ZNF438: variants seen among roughly 807,000 people sequenced by gnomAD.
The protein encoded by ZNF438 is zinc finger protein 438.
Under a neutral mutation model 38.0 loss-of-function variants are expected in ZNF438, and 25 were observed. The observed-to-expected ratio is 0.66, with a 90% CI of 0.48 to 0.92. The LOEUF is 0.92. Among genes scored for constraint, ZNF438 ranks in the 40% least tolerant of loss-of-function variants. The pLI is 0.00. For synonymous variants in ZNF438, 372 were observed against 364.1 expected, an observed-to-expected ratio of 1.02 and a Z score of -0.25; for missense variants, 1,007 against 999.6, an observed-to-expected ratio of 1.01 and a Z score of -0.10.
intron 1 of ZNF438, among the ~76,000 whole-genome samples, chr10:30,942,903 G>A (rs2046968545): frequency 6.6e-6 from 1 of 152,158 alleles, no homozygotes; most frequent in Admixed American, 6.5e-5. Flanking sequence ...AGAAGAGAGC[G>A]CCCTGTCCTG....
intron 4 of ZNF438, among the ~76,000 whole-genome samples, chr10:30,870,549 C>T (rs907478320): frequency 2.0e-5 from 3 of 152,006 alleles, no homozygotes; most frequent in African/African-American, 4.8e-5. Context: ...ATGTGCTCTA[C>T]GGAGAAAACA....
At chr10:30,864,639 A>G (rs1169689948) in intron 4 of ZNF438, among the ~76,000 whole-genome samples, 1 of 152,202 alleles carries the variant, frequency 6.6e-6, no homozygotes, top group African/African-American at 2.4e-5. Flanking sequence ...GGAACGAACT[A>G]TTAACTCTCA....
intron 3 of ZNF438, among the ~76,000 whole-genome samples, chr10:30,906,568 T>C (rs552661945): frequency 6.6e-6 from 1 of 152,344 alleles, no homozygotes; most frequent in African/African-American, 2.4e-5. Context: ...TTCTTTTTCT[T>C]ACCTAACTGT....
At chr10:30,849,560 T>G (rs1564478921) in exon 5 of ZNF438, 2 of 1,614,258 alleles carry the variant, frequency 1.2e-6, no homozygotes, top group Admixed American at 1.7e-5. Context: ...AGAGATCAAC[T>G]GAACTGCATT....
chr10:30,922,816 CAA>C (rs749809953), intron 2 of ZNF438, among the ~76,000 whole-genome samples: 70 of 144,416 alleles, frequency 4.8e-4, no homozygotes, highest in Non-Finnish European at 8.3e-4. Flanking sequence ...GCCTGGGCAA[CAA>C]GAGAGAAACT....
intron 1 of ZNF438, among the ~76,000 whole-genome samples, chr10:30,997,628 G>C (rs771233197): frequency 1.6e-4 from 24 of 150,016 alleles, no homozygotes; most frequent in Non-Finnish European, 2.1e-4. Flanking sequence ...ATCTTGACTA[G>C]TCTAAGCCAA....
intron 1 of ZNF438, among the ~76,000 whole-genome samples, chr10:30,998,486 T>C (rs1020343810): frequency 1.6e-5 from 2 of 128,328 alleles, no homozygotes; most frequent in Non-Finnish European, 3.1e-5. Flanking sequence ...GAGCTTGCAG[T>C]GAGCCGAGAT....
chr10:30,847,896 A>G (rs1291194747), intron 5 of ZNF438, among the ~76,000 whole-genome samples: 1 of 152,210 alleles, frequency 6.6e-6, no homozygotes, highest in Non-Finnish European at 1.5e-5. Flanking sequence ...CTTGGCAGGC[A>G]TGGGATCTAG....
At chr10:30,851,694 A>T (rs1443015040) in intron 4 of ZNF438, among the ~76,000 whole-genome samples, 1 of 152,212 alleles carries the variant, frequency 6.6e-6, no homozygotes, top group African/African-American at 2.4e-5. Context: ...AGATTTTTAA[A>T]TTGTCTTTAT....
chr10:30,978,072 AC>A (rs964272132), intron 1 of ZNF438, among the ~76,000 whole-genome samples: 1 of 152,180 alleles, frequency 6.6e-6, no homozygotes, highest in Non-Finnish European at 1.5e-5. Context: ...ATAAAAGTCA[AC>A]TCAAGAAGTT....
At chr10:30,924,181 A>C (rs2044641068) in intron 2 of ZNF438, among the ~76,000 whole-genome samples, 1 of 152,218 alleles carries the variant, frequency 6.6e-6, no homozygotes, top group Admixed American at 6.5e-5. Flanking sequence ...ATTGTTACTG[A>C]AACACCAGAG....
chr10:30,963,392 C>CAA lies in ZNF438; in HGVS notation c.-191-21743_-191-21742dup, dbSNP rs753557823. Among the ~76,000 whole-genome samples the CAA allele has an allele frequency of 7.9e-4, 68 of 85,960 alleles. 1 individual carries two copies. Among genetic ancestry groups the CAA allele is most frequent in the East Asian group, 6.8e-3 (19 of 2,778 alleles). 56.4% of individuals were successfully genotyped at this position (85,960 alleles called of 152,430 possible). ...GGGCGACAAGAGTGAAACTCCATCT[C>CAA]AAAAAAAAAAAAAAAAAAAAAGAAA... On this transcript the variant is annotated intron_variant, in intron 1 of 5. Transcript: ENST00000413025.
At chr10:30,925,063 T>TGTTGATGCCCAGAA (rs1412524347) in intron 2 of ZNF438, among the ~76,000 whole-genome samples, 1 of 152,204 alleles carries the variant, frequency 6.6e-6, no homozygotes. Flanking sequence ...TGCTCAACTC[T>TGTTGATGCCCAGAA]CTAATTTTAA....
intron 4 of ZNF438, among the ~76,000 whole-genome samples, chr10:30,859,443 T>A (rs1392651898): frequency 1.3e-5 from 2 of 152,142 alleles, no homozygotes; most frequent in Non-Finnish European, 2.9e-5. Flanking sequence ...CCTAGCCCAT[T>A]TTATTCCAAA....
intron 1 of ZNF438, among the ~76,000 whole-genome samples, chr10:30,943,852 A>G (rs2047078758): frequency 7.8e-6 from 1 of 127,846 alleles, no homozygotes; most frequent in African/African-American, 2.9e-5. Flanking sequence ...CTTTTTCTTG[A>G]GATGGTAAAA....
intron 2 of ZNF438, among the ~76,000 whole-genome samples, chr10:30,911,396 C>T (rs371397901): frequency 7.9e-5 from 12 of 152,224 alleles, no homozygotes; most frequent in East Asian, 7.7e-4. Context: ...TGTCAGAAGA[C>T]GCTTTCAATA....
chr10:30,871,409 A>G (rs2037387960), intron 4 of ZNF438, among the ~76,000 whole-genome samples: 2 of 152,234 alleles, frequency 1.3e-5, no homozygotes, highest in South Asian at 4.1e-4. Flanking sequence ...CATTTTATAC[A>G]TAATTTAATA....
At chr10:30,947,128 T>G (rs2047507251) in intron 1 of ZNF438, among the ~76,000 whole-genome samples, 1 of 152,210 alleles carries the variant, frequency 6.6e-6, no homozygotes, top group Non-Finnish European at 1.5e-5. Context: ...AGGTTTTGGG[T>G]TATCTTTGCC....
intron 2 of ZNF438, among the ~76,000 whole-genome samples, chr10:30,937,567 C>G (rs1181950653): frequency 6.6e-6 from 1 of 152,162 alleles, no homozygotes. Flanking sequence ...CAATGGTCTC[C>G]TTCCATTAAA....
Sources: gnomAD v4.1 joint callset for allele counts (sites outside exome capture counted in the v4.1 genomes callset) on GRCh38, gnomAD v4.1.1 for gene constraint, MANE v1.5 for transcripts, NCBI Gene and HGNC (gene_info 2026-07-23, HGNC 2026-07-21) for gene names.